Variants in SAMMSON observed in about 807,000 individuals in gnomAD.
The protein encoded by SAMMSON is survival associated mitochondrial melanoma specific oncogenic non-coding RNA, also known as long intergenic non-protein coding RNA 1212.
chr3:70,363,122 A>T (rs1702889424), intron 9 of SAMMSON, among the ~76,000 whole-genome samples: 1 of 152,084 alleles, frequency 6.6e-6, no homozygotes, highest in South Asian at 2.1e-4. Context: ...AAATGAAAGC[A>T]TATGGTAATT....
At chr3:70,342,789 A>G (rs577338317) in intron 7 of SAMMSON, among the ~76,000 whole-genome samples, 1 of 152,236 alleles carries the variant, frequency 6.6e-6, no homozygotes, top group South Asian at 2.1e-4. Context: ...AAATGTGATT[A>G]TGTTTCTTTT....
At chr3:70,345,496 A>T (rs4586775) in intron 7 of SAMMSON, among the ~76,000 whole-genome samples, 81,623 of 152,026 alleles carry the variant, frequency 0.54, 22,325 homozygotes, top group Admixed American at 0.62. Context: ...CCTCCTAAAT[A>T]ATTTTTTAAA....
chr3:70,119,595 C>T (rs976021191), intron 4 of SAMMSON, among the ~76,000 whole-genome samples: 4 of 152,134 alleles, frequency 2.6e-5, no homozygotes, highest in African/African-American at 9.7e-5. Context: ...ATCCACTTTC[C>T]TGGACAGACC....
At chr3:70,017,430 A>T (rs9799060) in intron 3 of SAMMSON, among the ~76,000 whole-genome samples, 84,585 of 151,698 alleles carry the variant, frequency 0.56, 25,420 homozygotes, top group African/African-American at 0.77. Flanking sequence ...TGCACATTGA[A>T]TTTGTATCCT....
chr3:70,366,477 C>T (rs1478671117), intron 9 of SAMMSON, among the ~76,000 whole-genome samples: 8 of 110,408 alleles, frequency 7.2e-5, no homozygotes, highest in Middle Eastern at 5.9e-3. Flanking sequence ...TGTTTTGTTT[C>T]GTTTGTGTTT....
chr3:70,220,614 G>C (rs568612688), intron 4 of SAMMSON, among the ~76,000 whole-genome samples: 21 of 152,282 alleles, frequency 1.4e-4, no homozygotes, highest in Admixed American at 1.2e-3. Flanking sequence ...AAGTATGTTA[G>C]TGTGTTGAGG....
intron 4 of SAMMSON, among the ~76,000 whole-genome samples, chr3:70,146,379 A>C (rs6549279): frequency 0.99 from 150,110 of 151,980 alleles, 74,158 homozygotes; most frequent in East Asian, 1. Flanking sequence ...AAACTATAGG[A>C]AAATATCTGT....
chr3:70,221,490 C>A (rs1701459725), intron 4 of SAMMSON, among the ~76,000 whole-genome samples: 1 of 152,024 alleles, frequency 6.6e-6, no homozygotes, highest in Non-Finnish European at 1.5e-5. Context: ...TCCTCTTAAC[C>A]ACCGTGATAT....
chr3:70,095,444 C>T (rs1245438531), intron 4 of SAMMSON, among the ~76,000 whole-genome samples: 3 of 152,176 alleles, frequency 2.0e-5, no homozygotes, highest in African/African-American at 7.2e-5. Context: ...GCCTGACAGG[C>T]TCCTAAGAGA....
chr3:70,268,116 G>T (rs1701938327), intron 6 of SAMMSON, among the ~76,000 whole-genome samples: 1 of 151,762 alleles, frequency 6.6e-6, no homozygotes, highest in South Asian at 2.1e-4. Flanking sequence ...GCAAAATTGG[G>T]CAGAAGGTGC....
intron 7 of SAMMSON, among the ~76,000 whole-genome samples, chr3:70,295,129 T>C (rs997109959): frequency 6.6e-6 from 1 of 152,122 alleles, no homozygotes; most frequent in Non-Finnish European, 1.5e-5. Flanking sequence ...TCTTCCAACT[T>C]CTGAGATGGG....
chr3:70,076,019 C>A (rs1480876698), intron 4 of SAMMSON, among the ~76,000 whole-genome samples: 2 of 151,914 alleles, frequency 1.3e-5, no homozygotes, highest in Non-Finnish European at 2.9e-5. Context: ...AGAAGCAAAG[C>A]ATTGCTATTC....
rs1701306204 is a variant in SAMMSON at position 70,420,930 on chromosome 3, A to C, written n.234-41630A>C. On this transcript the variant is annotated intron_variant and non_coding_transcript_variant, in intron 2 of 3. Coordinates refer to the SAMMSON transcript ENST00000641053. The stretch of plus-strand genomic sequence containing the variant: ...TGAACAGAGCCAGATGTAAGATAAC[A>C]GTTTTGCTTTATTTTTTTTTTATTC... Among the ~76,000 whole-genome samples the C allele has an allele frequency of 5.2e-5, 6 of 114,312 alleles. No homozygotes were observed. The South Asian group carries it at 1.9e-3, about 36-fold the overall frequency. The allele number at this position is 114,312 out of a possible 152,430, so 75.0% of individuals were successfully genotyped here. A position where few individuals can be genotyped will look rare whatever the true frequency, so the allele number is the denominator to read the frequency against.
intron 4 of SAMMSON, among the ~76,000 whole-genome samples, chr3:70,214,049 T>C (rs1304090999): frequency 6.6e-6 from 1 of 152,066 alleles, no homozygotes; most frequent in African/African-American, 2.4e-5. Flanking sequence ...TTTTCTCCAG[T>C]TGAGGGATGA....
intron 9 of SAMMSON, among the ~76,000 whole-genome samples, chr3:70,376,933 C>A (rs558459703): frequency 6.6e-6 from 1 of 152,012 alleles, no homozygotes; most frequent in Admixed American, 6.6e-5. Context: ...AAAATCCTCA[C>A]AAATATCATT....
intron 4 of SAMMSON, among the ~76,000 whole-genome samples, chr3:70,209,834 G>A (rs1458220540): frequency 2.6e-5 from 4 of 152,004 alleles, no homozygotes; most frequent in Admixed American, 1.3e-4. Flanking sequence ...TTACACACTC[G>A]CCTTTCCCTT....
intron 3 of SAMMSON, among the ~76,000 whole-genome samples, chr3:70,038,116 C>T (rs751258760): frequency 3.5e-4 from 53 of 152,068 alleles, no homozygotes; most frequent in Non-Finnish European, 6.3e-4. Context: ...AGTATTGCCA[C>T]GGTTTGGATA....
intron 7 of SAMMSON, among the ~76,000 whole-genome samples, chr3:70,342,567 T>C (rs188076178): frequency 1.6e-4 from 24 of 152,298 alleles, no homozygotes; most frequent in Admixed American, 1.1e-3. Context: ...TTTCACTAAA[T>C]TGATTGATTA....
intron 7 of SAMMSON, among the ~76,000 whole-genome samples, chr3:70,319,592 G>A (rs1251461594): frequency 6.6e-6 from 1 of 152,014 alleles, no homozygotes; most frequent in Non-Finnish European, 1.5e-5. Context: ...TAAGCTTTGA[G>A]ATTCAAATTT....
Sources: allele counts gnomAD v4.1 joint callset (sites outside exome capture counted in the v4.1 genomes callset), GRCh38; gene constraint gnomAD v4.1.1; transcripts MANE v1.5; gene names NCBI Gene and HGNC (gene_info 2026-07-23, HGNC 2026-07-21).